The following DNAJB4 variants were observed in gnomAD, a reference collection of about 807,000 sequenced individuals.
DNAJB4 encodes the protein DnaJ heat shock protein family (Hsp40) member B4.
In DNAJB4, 10 loss-of-function variants were observed where a neutral mutation model predicts 26.6. That is an observed-to-expected ratio of 0.38 (90% CI 0.23 to 0.64). The LOEUF is 0.64. Among genes scored for constraint, DNAJB4 ranks in the 30% least tolerant of loss-of-function variants. The pLI is 0.58. For synonymous variants in DNAJB4, 136 were observed against 134.8 expected, an observed-to-expected ratio of 1.01 and a Z score of -0.06; for missense variants, 328 against 408.2, an observed-to-expected ratio of 0.80 and a Z score of 1.69.
At chr1:78,005,352 TTCAGCTCTGTCTC>T in intron 1 of DNAJB4, 31 bp downstream of exon 1, 1 of 1,496,612 alleles carries the variant, frequency 6.7e-7, no homozygotes, top group Non-Finnish European at 8.8e-7. Flanking sequence ...TTTCTGTCTC[TTCAGCTCTGTCTC>T]TTTTTTTTTT....
chr1:77,997,868 A>G (rs1426113175), intron 1 of DNAJB4, among the ~76,000 whole-genome samples: 1 of 151,728 alleles, frequency 6.6e-6, no homozygotes, highest in Non-Finnish European at 1.5e-5. Flanking sequence ...GCCCACTGCA[A>G]CCTCCACCTC....
At chr1:78,002,688 G>A (rs565675427), upstream of DNAJB4, among the ~76,000 whole-genome samples, 1 of 152,222 alleles carries the variant, frequency 6.6e-6, no homozygotes, top group South Asian at 2.1e-4. Flanking sequence ...AAGCTAGCCA[G>A]ATTGTTGTAT....
intron 1 of DNAJB4, among the ~76,000 whole-genome samples, chr1:77,999,877 A>C (rs536528171): frequency 6.6e-6 from 1 of 152,306 alleles, no homozygotes; most frequent in South Asian, 2.1e-4. Context: ...ATTGATAAAT[A>C]ATGGTTTCCC....
At chr1:78,011,730 C>T (rs1357872282) in intron 1 of DNAJB4, among the ~76,000 whole-genome samples, 3 of 151,832 alleles carry the variant, frequency 2.0e-5, no homozygotes, top group Non-Finnish European at 4.4e-5. Flanking sequence ...GTGATCCACC[C>T]GACTCGGCCT....
intron 2 of DNAJB4, among the ~76,000 whole-genome samples, chr1:78,015,547 C>CTT (rs1490718518): frequency 3.9e-5 from 2 of 50,720 alleles, no homozygotes; most frequent in Non-Finnish European, 7.9e-5. Flanking sequence ...TTCTTTCTTT[C>CTT]TTCTTTTTTT....
In DNAJB4 at chr1:78,016,134, C is replaced by T. The variant is rs1057456735; in HGVS notation, c.901C>T (p.Pro301Ser). The change falls in exon 3 of 3, where the codon CCA becomes TCA. Residue 301 changes from proline to serine, a missense_variant. Pro to Ser is a moderately conservative substitution (Grantham distance 74). Coordinates refer to ENST00000370763, the MANE Select transcript of DNAJB4 (RefSeq NM_007034.5). ...AATTATTGGATATGGGCTGCCATTTCCAAAAAATCCTGACCAACGTGGTGA... is the reference window on the plus strand; with the variant it reads ...AATTATTGGATATGGGCTGCCATTTTCAAAAAATCCTGACCAACGTGGTGA... The part of the protein sequence containing the change: ...RRIIGYGLPF[P>S]KNPDQRGDLL... The T allele has an allele frequency of 7.4e-6, 12 of 1,614,024 alleles. No homozygotes were observed. The highest frequency in any genetic ancestry group is 1.0e-5 in the Non-Finnish European group (12 of 1,179,994).
rs146340203 is a variant in DNAJB4, at chr1:77,987,562, C to A, written c.-32+7240C>A. The stretch of plus-strand genomic sequence containing the variant: ...TTGAGCCACTGTGCCTGGCCCCATG[C>A]ATCTTTATTTTATATGTCCAATATT... On this transcript the variant is annotated intron_variant, in intron 1 of 2. Coordinates refer to the DNAJB4 transcript ENST00000426517. Among the ~76,000 whole-genome samples, 460 of 152,262 alleles carry A rather than the reference C, an allele frequency of 3.0e-3. 2 individuals are homozygous for A. The highest frequency in any genetic ancestry group is 5.1e-3 in the Non-Finnish European group (344 of 68,018).
chr1:78,003,424 G>C (rs1660239866), upstream of DNAJB4, among the ~76,000 whole-genome samples: 1 of 152,160 alleles, frequency 6.6e-6, no homozygotes, highest in African/African-American at 2.4e-5. Flanking sequence ...ATTTTGAAGA[G>C]TAGAAAATCG....
chr1:77,997,570 T>A (rs553422234), intron 1 of DNAJB4, among the ~76,000 whole-genome samples: 12 of 152,228 alleles, frequency 7.9e-5, no homozygotes, highest in African/African-American at 2.4e-4. Context: ...GGGCAAGCCT[T>A]CCTAATTTGC....
At chr1:77,986,100 A>C (rs1659783842) in intron 1 of DNAJB4, among the ~76,000 whole-genome samples, 1 of 152,182 alleles carries the variant, frequency 6.6e-6, no homozygotes, top group African/African-American at 2.4e-5. Flanking sequence ...AAATTATTTG[A>C]AACAAGCTAG....
At chr1:77,995,175 T>A (rs1660031270) in intron 1 of DNAJB4, among the ~76,000 whole-genome samples, 2 of 152,246 alleles carry the variant, frequency 1.3e-5, no homozygotes, top group Non-Finnish European at 2.9e-5. Context: ...ATAATTTGTA[T>A]TTTGATTATA....
intron 2 of DNAJB4, among the ~76,000 whole-genome samples, chr1:78,014,967 T>C (rs1660596322): frequency 6.6e-6 from 1 of 152,162 alleles, no homozygotes; most frequent in Non-Finnish European, 1.5e-5. Flanking sequence ...TTTCTTACCC[T>C]GCTCTAATAC....
intron 1 of DNAJB4, among the ~76,000 whole-genome samples, chr1:77,987,811 A>G (rs934506705): frequency 2.6e-5 from 4 of 152,048 alleles, no homozygotes; most frequent in African/African-American, 7.2e-5. Context: ...ACCTGAATAT[A>G]TATGTATATT....
intron 1 of DNAJB4, 87 bp from the exon 2 acceptor site, chr1:78,012,964 C>T (rs939812264): frequency 2.4e-6 from 3 of 1,242,522 alleles, no homozygotes; most frequent in Non-Finnish European, 2.2e-6. Flanking sequence ...TGTAAGTTAG[C>T]CAAAATTTAT....
In DNAJB4 at chr1:78,017,423, C is replaced by T. The variant is rs952274919; in HGVS notation, c.*1176C>T. ...TATATATATATATACTGGATCCTAT[C>T]GCCTTTTAGTAGAATATGAAATATT... is the stretch of plus-strand genomic sequence containing the variant. On this transcript the variant is annotated 3_prime_UTR_variant, in exon 3 of 3. Coordinates refer to ENST00000370763, the MANE Select transcript of DNAJB4 (RefSeq NM_007034.5). 4.0e-5 allele frequency: 6 copies of T among 151,750 alleles called. No individual in the cohort carries two copies. Among genetic ancestry groups the T allele is most frequent in the South Asian group, 4.2e-4 (2 of 4,816 alleles). The allele number at this position is 151,750 out of a possible 1,614,324, so 9.4% of individuals were successfully genotyped here.
At chr1:78,014,606 A>AT (rs1181665302) in intron 2 of DNAJB4, among the ~76,000 whole-genome samples, 1 of 151,460 alleles carries the variant, frequency 6.6e-6, no homozygotes, top group Non-Finnish European at 1.5e-5. Context: ...TATTATTATT[A>AT]TTATTTTTTT....
intron 1 of DNAJB4, among the ~76,000 whole-genome samples, chr1:77,992,308 G>A (rs1477513645): frequency 6.7e-6 from 1 of 148,998 alleles, no homozygotes; most frequent in Admixed American, 6.7e-5. Flanking sequence ...AGCTACTTGG[G>A]AGGCTGAGGC....
intron 1 of DNAJB4, among the ~76,000 whole-genome samples, chr1:77,995,822 T>A (rs1296148479): frequency 2.0e-5 from 3 of 152,120 alleles, no homozygotes; most frequent in African/African-American, 7.2e-5. Flanking sequence ...GGCACATGCC[T>A]GTAGTCCCAG....
At chr1:77,982,752 C>T (rs533150960) in intron 1 of DNAJB4, among the ~76,000 whole-genome samples, 1 of 152,312 alleles carries the variant, frequency 6.6e-6, no homozygotes, top group East Asian at 1.9e-4. Flanking sequence ...GAGCTGAGAT[C>T]GCACCACTGT....
Sources: allele counts gnomAD v4.1 joint callset (sites outside exome capture counted in the v4.1 genomes callset), GRCh38; gene constraint gnomAD v4.1.1; transcripts MANE v1.5; gene names NCBI Gene and HGNC (gene_info 2026-07-23, HGNC 2026-07-21).